The following SARAF variants were observed in gnomAD, a reference collection of about 807,000 sequenced individuals.
SARAF encodes store-operated calcium entry associated regulatory factor, also known as store-operated calcium entry-associated regulatory factor.
In SARAF, 23 loss-of-function variants were observed where a neutral mutation model predicts 39.7. The ratio of observed to expected loss-of-function variants is 0.58; its 90% CI spans 0.42 to 0.82. The LOEUF is 0.82. Ranked by LOEUF, SARAF falls within the 40% of genes least tolerant of loss-of-function variation. SARAF has a pLI of 0.00. For synonymous variants in SARAF, 175 were observed against 168.5 expected (o/e 1.04, Z -0.30); for missense variants, 384 against 418.5 (o/e 0.92, Z 0.72).
intron 1 of SARAF, among the ~76,000 whole-genome samples, chr8:30,078,612 C>T (rs1445930795): frequency 1.3e-5 from 2 of 152,162 alleles, no homozygotes; most frequent in Non-Finnish European, 2.9e-5. Flanking sequence ...AATGGTGGAA[C>T]AAACTGATGT....
chr8:30,083,132 G>C (rs937447606), upstream of SARAF: 4 of 498,574 alleles, frequency 8.0e-6, no homozygotes, highest in Non-Finnish European at 1.4e-5. Context: ...GCTGCGGCCC[G>C]TGGGGCTCAG....
rs566808337 is a variant in SARAF at position 30,068,919 on chromosome 8, G to A, written c.700+723C>T. On this transcript the variant is annotated intron_variant, in intron 3 of 5. Coordinates refer to ENST00000256255, the MANE Select transcript of SARAF (RefSeq NM_016127.6). ...TTCTTTTATGGCTAGTACTTTTTAT[G>A]TTCTGTTTAAGAAATCTTTCCCTAT... Among the ~76,000 whole-genome samples, 7 of 151,974 alleles carry A rather than the reference G, an allele frequency of 4.6e-5. No homozygotes were observed. The South Asian group carries it at 6.2e-4, about 14-fold the overall frequency.
chr8:30,083,076 G>A (rs954978096), upstream of SARAF: 1 of 629,272 alleles, frequency 1.6e-6, no homozygotes, highest in African/African-American at 2.0e-5. Context: ...CCCGACTGCA[G>A]AGCTGCAGCC....
At chr8:30,079,855 C>A (rs1802058982) in intron 1 of SARAF, among the ~76,000 whole-genome samples, 1 of 149,612 alleles carries the variant, frequency 6.7e-6, no homozygotes, top group Non-Finnish European at 1.5e-5. Context: ...CCTAGAGATT[C>A]TTAAGGTCCA....
In SARAF at chr8:30,074,055, T is replaced by G; in HGVS notation, c.104A>C (p.Asp35Ala). 1 of 1,611,014 alleles carries G rather than the reference T, an allele frequency of 6.2e-7. No homozygotes were observed. Among genetic ancestry groups the G allele is most frequent in the Middle Eastern group, 1.7e-4 (1 of 6,042 alleles). ...AGPALGWNDPDRMLLRDVKAL... is the reference protein window; with the variant it reads ...AGPALGWNDPARMLLRDVKAL... The stretch of plus-strand genomic sequence containing the variant: ...TTTTACATCCCGCAGCAACATTCTG[T>G]CTGAAACAGCAAGAAAACAGAGGAA... The change falls in exon 2 of 6, where the codon GAC becomes GCC. Residue 35 changes from aspartate to alanine, a missense_variant and splice_region_variant. By Grantham distance (126) the Asp-to-Ala change is moderately radical. Coordinates refer to ENST00000256255, the MANE Select transcript of SARAF (RefSeq NM_016127.6).
At chr8:30,074,511 G>C (rs923344199) in intron 1 of SARAF, among the ~76,000 whole-genome samples, 6 of 152,160 alleles carry the variant, frequency 3.9e-5, no homozygotes, top group Admixed American at 6.5e-5. Context: ...GAGTGAACTA[G>C]AATTCATGTA....
intron 1 of SARAF, among the ~76,000 whole-genome samples, chr8:30,081,911 C>T (rs1431781093): frequency 6.6e-6 from 1 of 151,970 alleles, no homozygotes; most frequent in East Asian, 1.9e-4. Flanking sequence ...AACCTCTTTC[C>T]TAAAACCCAC....
rs763986022 is a variant in SARAF at position 30,069,681 on chromosome 8, C to T, written c.661G>A (p.Ala221Thr). 6.2e-7 allele frequency: 1 copy of T among 1,614,092 alleles called. No homozygotes were observed. The highest frequency in any genetic ancestry group is 8.5e-7 in the Non-Finnish European group (1 of 1,180,014). The change falls in exon 3 of 6, where the codon GCA becomes ACA. Residue 221 changes from alanine to threonine, a missense_variant. Physicochemically the swap from Ala to Thr is moderately conservative, Grantham distance 58. Transcript: ENST00000256255. ...TTAAAGCCTGGGGGAGGAGGTCCTG[C>T]TGAGTTGGTGAATCTCTGGTAACGG... ...SHRYQRFTNS[A>T]GPPPPGFKSE... is the part of the protein sequence containing the mutation.
At chr8:30,066,682 A>G (rs1801699967) in intron 4 of SARAF, 95 bp downstream of exon 4, 9 of 1,492,848 alleles carry the variant, frequency 6.0e-6, no homozygotes, top group Non-Finnish European at 8.2e-6. Context: ...CGTCACCACA[A>G]TTTATTTTCC....
At chr8:30,080,790 A>G (rs1802080409) in intron 1 of SARAF, among the ~76,000 whole-genome samples, 2 of 152,346 alleles carry the variant, frequency 1.3e-5, no homozygotes, top group Admixed American at 1.3e-4. Flanking sequence ...GAGCCGATTA[A>G]TGCTTTAGTA....
chr8:30,080,515 T>C lies in SARAF; in HGVS notation c.103+2332A>G, dbSNP rs555368199. Among the ~76,000 whole-genome samples, 8 of 152,350 alleles carry C rather than the reference T, an allele frequency of 5.3e-5. No homozygotes were observed. In the South Asian group the frequency reaches 1.4e-3, roughly 28 times the overall value. ...ACACGGTGCATACCAATTTTCACAATATAGCATGTTATTTACATGTTTATC... is the reference window on the plus strand; with the variant it reads ...ACACGGTGCATACCAATTTTCACAACATAGCATGTTATTTACATGTTTATC... On this transcript the variant is annotated intron_variant, in intron 1 of 5. Coordinates refer to ENST00000256255, the MANE Select transcript of SARAF (RefSeq NM_016127.6).
intron 1 of SARAF, chr8:30,082,541 A>G: frequency 3.4e-6 from 1 of 296,472 alleles, no homozygotes; most frequent in East Asian, 6.3e-5. Flanking sequence ...CCAGCTCTCC[A>G]GTTATACTCA....
At chr8:30,077,151 G>A (rs1332806599) in intron 1 of SARAF, among the ~76,000 whole-genome samples, 2 of 152,184 alleles carry the variant, frequency 1.3e-5, no homozygotes, top group Non-Finnish European at 2.9e-5. Flanking sequence ...AAACAGGACA[G>A]CCAAGATTAA....
chr8:30,066,737 T>C (rs1563351282), intron 4 of SARAF, 40 bp downstream of exon 4: 4 of 1,565,884 alleles, frequency 2.6e-6, no homozygotes, highest in Non-Finnish European at 3.5e-6. Context: ...AACAAGCCTC[T>C]TGAATTAAAG....
chr8:30,075,720 G>A (rs1433781535), intron 1 of SARAF, among the ~76,000 whole-genome samples: 2 of 152,024 alleles, frequency 1.3e-5, no homozygotes, highest in Non-Finnish European at 2.9e-5. Flanking sequence ...ACCATTTTGT[G>A]AGTACCCAAT....
intron 5 of SARAF, among the ~76,000 whole-genome samples, chr8:30,065,107 C>G (rs1199178123): frequency 1.3e-5 from 2 of 152,192 alleles, no homozygotes; most frequent in East Asian, 3.8e-4. Context: ...CACTGCAATA[C>G]AGCAAACATA....
At chr8:30,078,913 T>C (rs1400278114) in intron 1 of SARAF, among the ~76,000 whole-genome samples, 1 of 152,106 alleles carries the variant, frequency 6.6e-6, no homozygotes, top group East Asian at 1.9e-4. Flanking sequence ...CCCCAGCACT[T>C]TGGGAGGCCA....
At chr8:30,067,788 A>C (rs1253782605) in intron 3 of SARAF, among the ~76,000 whole-genome samples, 1 of 151,982 alleles carries the variant, frequency 6.6e-6, no homozygotes, top group African/African-American at 2.4e-5. Flanking sequence ...TTCCACCTCC[A>C]TTTTTTGGCA....
At chr8:30,066,255 T>C (rs1801691972) in intron 4 of SARAF, 116 bp from the exon 5 acceptor site, 4 of 1,074,398 alleles carry the variant, frequency 3.7e-6, no homozygotes, top group African/African-American at 1.6e-5. Context: ...TTTTCCTGAA[T>C]GTTCTGGTAT....
Sources: allele counts gnomAD v4.1 joint callset (sites outside exome capture counted in the v4.1 genomes callset), GRCh38; gene constraint gnomAD v4.1.1; transcripts MANE v1.5; gene names NCBI Gene and HGNC (gene_info 2026-07-23, HGNC 2026-07-21).